The following LRRC4C variants were observed in gnomAD, a reference collection of about 807,000 sequenced individuals.
LRRC4C encodes leucine rich repeat containing 4C.
LRRC4C carries 5 observed loss-of-function variants against 33.6 expected under a neutral mutation model. The ratio of observed to expected loss-of-function variants is 0.15; its 90% CI spans 0.08 to 0.31. The LOEUF is 0.31. Ranked by LOEUF, LRRC4C falls within the 10% of genes least tolerant of loss-of-function variation. The pLI is 1.00. For synonymous variants in LRRC4C, 329 were observed against 302.0 expected (o/e 1.09, Z -0.93); for missense variants, 560 against 796.7 (o/e 0.70, Z 3.58).
At chr11:41,368,552 C>T (rs1309023289) in intron 1 of LRRC4C, among the ~76,000 whole-genome samples, 1 of 152,130 alleles carries the variant, frequency 6.6e-6, no homozygotes, top group East Asian at 1.9e-4. Flanking sequence ...CTAAATAGCA[C>T]CTTTGGAATG....
intron 2 of LRRC4C, among the ~76,000 whole-genome samples, chr11:40,910,288 T>G (rs1426382846): frequency 1.3e-5 from 2 of 152,156 alleles, no homozygotes; most frequent in African/African-American, 4.8e-5. Context: ...GAGCATCTAT[T>G]TTATTCAAAA....
intron 2 of LRRC4C, among the ~76,000 whole-genome samples, chr11:40,820,469 A>G (rs180999328): frequency 4.0e-4 from 61 of 152,070 alleles, no homozygotes; most frequent in African/African-American, 1.4e-3. Flanking sequence ...ATTAGCCAGT[A>G]TGAAGAGTAG....
At chr11:40,969,727 C>T (rs1460751209) in intron 1 of LRRC4C, among the ~76,000 whole-genome samples, 1 of 152,092 alleles carries the variant, frequency 6.6e-6, no homozygotes, top group East Asian at 1.9e-4. Flanking sequence ...ATTTAATAGA[C>T]TATAGAATAT....
At chr11:40,954,849 G>C (rs1462574004) in intron 1 of LRRC4C, among the ~76,000 whole-genome samples, 1 of 151,758 alleles carries the variant, frequency 6.6e-6, no homozygotes, top group Non-Finnish European at 1.5e-5. Flanking sequence ...ACTGGCTAGG[G>C]CATTCTTGGA....
At chr11:40,757,604 TTTTTTTTTTTAC>T (rs1047807800) in intron 2 of LRRC4C, among the ~76,000 whole-genome samples, 2 of 151,644 alleles carry the variant, frequency 1.3e-5, no homozygotes, top group African/African-American at 4.8e-5. Flanking sequence ...TTTGAGTTTT[TTTTTTTTTTTAC>T]TATTTTTTTC....
chr11:40,326,587 G>T (rs1334453875), intron 3 of LRRC4C, among the ~76,000 whole-genome samples: 3 of 151,906 alleles, frequency 2.0e-5, no homozygotes, highest in African/African-American at 7.3e-5. Flanking sequence ...CTACATGCCT[G>T]TGTGTTGTGC....
intron 3 of LRRC4C, among the ~76,000 whole-genome samples, chr11:40,496,796 C>T (rs1313049207): frequency 6.6e-6 from 1 of 152,084 alleles, no homozygotes; most frequent in Non-Finnish European, 1.5e-5. Flanking sequence ...ACCCTCCGAC[C>T]CAGCGTGAGA....
intron 3 of LRRC4C, among the ~76,000 whole-genome samples, chr11:40,538,549 T>C (rs1254814282): frequency 3.3e-5 from 5 of 152,222 alleles, no homozygotes; most frequent in Admixed American, 6.5e-5. Context: ...ACATTTGGGT[T>C]GGTTCCAAGT....
At chr11:41,231,658 T>G in intron 1 of LRRC4C, among the ~76,000 whole-genome samples, 1 of 151,426 alleles carries the variant, frequency 6.6e-6, no homozygotes, top group Admixed American at 6.6e-5. Context: ...GAGATATACC[T>G]AATGTAAATG....
At chr11:41,166,685 A>T (rs990622882) in intron 1 of LRRC4C, among the ~76,000 whole-genome samples, 2 of 152,186 alleles carry the variant, frequency 1.3e-5, no homozygotes, top group Admixed American at 6.5e-5. Flanking sequence ...GGGCTAAAGA[A>T]TTACTCAAAA....
chr11:40,425,319 C>T (rs150693785), intron 3 of LRRC4C, among the ~76,000 whole-genome samples: 1 of 152,178 alleles, frequency 6.6e-6, no homozygotes, highest in East Asian at 1.9e-4. Flanking sequence ...GGATCAGCCT[C>T]TACATGAGGT....
chr11:40,179,199 C>T (rs2135502383), intron 5 of LRRC4C, among the ~76,000 whole-genome samples: 2 of 151,992 alleles, frequency 1.3e-5, no homozygotes, highest in South Asian at 4.2e-4. Context: ...GAGACAGGGT[C>T]TCTCTATGGT....
intron 5 of LRRC4C, among the ~76,000 whole-genome samples, chr11:40,171,572 T>TA (rs145511408): frequency 0.041 from 6,303 of 152,116 alleles, 137 homozygotes; most frequent in African/African-American, 0.059. Context: ...ATATACCACA[T>TA]AAAAAAGGGG....
chr11:40,697,693 A>C (rs956836772), intron 2 of LRRC4C, among the ~76,000 whole-genome samples: 1 of 152,178 alleles, frequency 6.6e-6, no homozygotes, highest in African/African-American at 2.4e-5. Context: ...ACAATGACAT[A>C]ATAATCTGTC....
chr11:40,599,004 C>G (rs761673490), intron 3 of LRRC4C, among the ~76,000 whole-genome samples: 3 of 152,152 alleles, frequency 2.0e-5, no homozygotes, highest in Non-Finnish European at 4.4e-5. Flanking sequence ...TACAATTTCC[C>G]TTTTAGTATT....
chr11:41,106,946 G>C (rs940618668), intron 1 of LRRC4C, among the ~76,000 whole-genome samples: 6 of 151,894 alleles, frequency 4.0e-5, no homozygotes, highest in African/African-American at 1.5e-4. Flanking sequence ...CTAGGAGTTT[G>C]AGAATGCAGT....
intron 3 of LRRC4C, among the ~76,000 whole-genome samples, chr11:40,564,327 G>C (rs1352040127): frequency 6.6e-6 from 1 of 152,184 alleles, no homozygotes; most frequent in Non-Finnish European, 1.5e-5. Context: ...CATAGAGCTG[G>C]GAATGCTGGA....
chr11:40,821,157 A>G (rs1302044299), intron 2 of LRRC4C, among the ~76,000 whole-genome samples: 2 of 151,710 alleles, frequency 1.3e-5, no homozygotes, highest in Non-Finnish European at 3.0e-5. Context: ...AGAGATTTAT[A>G]TAAATGGAGA....
rs188677272 is a variant in LRRC4C, at chr11:40,851,319, C to T, written c.-407+82316G>A. ...TGGGTTGTGAAGACCATGGGAAAGG[C>T]GTAGCATCTGGGTCAGAGAGCACTG... On this transcript the variant is annotated intron_variant, in intron 2 of 6. Coordinates refer to ENST00000528697, the MANE Select transcript of LRRC4C (RefSeq NM_001258419.2). 9.9e-5 allele frequency among the ~76,000 whole-genome samples: 15 copies of T among 152,232 alleles called. No homozygotes were observed. In the South Asian group the frequency reaches 1.7e-3, roughly 17 times the overall value.
Sources: gnomAD v4.1 joint callset for allele counts (sites outside exome capture counted in the v4.1 genomes callset) on GRCh38, gnomAD v4.1.1 for gene constraint, MANE v1.5 for transcripts, NCBI Gene and HGNC (gene_info 2026-07-23, HGNC 2026-07-21) for gene names.